CSMD1: variants seen among roughly 807,000 people sequenced by gnomAD.
CSMD1 encodes the protein CUB and Sushi multiple domains 1.
In CSMD1, 213 loss-of-function variants were observed where a neutral mutation model predicts 417.5. The ratio of observed to expected loss-of-function variants is 0.51; its 90% CI spans 0.46 to 0.57. The LOEUF (loss-of-function observed/expected upper bound fraction) is 0.57. Among genes scored for constraint, CSMD1 ranks in the 20% least tolerant of loss-of-function variants. CSMD1 has a pLI of 0.00. For synonymous variants in CSMD1, 2,862 were observed against 1,736.8 expected (o/e 1.65, Z -16.11); for missense variants, 6,923 against 4,529.7 (o/e 1.53, Z -15.17).
chr8:4,733,805 A>C (rs1810051723), intron 1 of CSMD1, among the ~76,000 whole-genome samples: 1 of 152,202 alleles, frequency 6.6e-6, no homozygotes, highest in Non-Finnish European at 1.5e-5. Flanking sequence ...ACTACTACTA[A>C]ATTATGGAAA....
chr8:4,000,276 C>A (rs533924102), intron 4 of CSMD1, among the ~76,000 whole-genome samples: 2 of 152,198 alleles, frequency 1.3e-5, no homozygotes, highest in Non-Finnish European at 1.5e-5. Flanking sequence ...ACACACTTCC[C>A]TGGTCAACTG....
intron 68 of CSMD1, among the ~76,000 whole-genome samples, chr8:2,944,778 T>C (rs759635168): frequency 4.6e-5 from 7 of 152,204 alleles, no homozygotes; most frequent in Non-Finnish European, 8.8e-5. Context: ...GATCTTCAAG[T>C]TTCTGTAATT....
At chr8:3,546,623 A>G (rs576252554) in intron 10 of CSMD1, among the ~76,000 whole-genome samples, 2 of 151,794 alleles carry the variant, frequency 1.3e-5, no homozygotes, top group South Asian at 4.1e-4. Context: ...ATAATACTGC[A>G]AAATGATTAA....
intron 5 of CSMD1, among the ~76,000 whole-genome samples, chr8:3,862,847 T>G (rs1265959292): frequency 1.3e-5 from 2 of 152,144 alleles, no homozygotes; most frequent in African/African-American, 2.4e-5. Context: ...GGTGTCAAAA[T>G]CTCTTGGTCA....
In CSMD1 at chr8:4,163,594, T is replaced by C. The variant is rs561392498; in HGVS notation, c.416-131495A>G. ...TCTAGCTAGATAAAACTTCCTGTTTTAAAGTGAGTGTTTTTTCAAAACTCT... is the reference window on the plus strand; with the variant it reads ...TCTAGCTAGATAAAACTTCCTGTTTCAAAGTGAGTGTTTTTTCAAAACTCT... On this transcript the variant is annotated intron_variant, in intron 3 of 69. Coordinates refer to ENST00000635120, the MANE Select transcript of CSMD1 (RefSeq NM_033225.6). Among the ~76,000 whole-genome samples, 48 of 152,312 alleles carry C rather than the reference T, an allele frequency of 3.2e-4. 1 individual carries two copies. Among genetic ancestry groups the C allele is most frequent in the Middle Eastern group, 3.4e-3 (1 of 294 alleles).
chr8:4,903,420 C>CT (rs1275461662), intron 1 of CSMD1, among the ~76,000 whole-genome samples: 29 of 152,198 alleles, frequency 1.9e-4, no homozygotes, highest in South Asian at 6.2e-4. Flanking sequence ...AGTTGAGTGA[C>CT]TTTTTTTACC....
At position 3,151,385 on chromosome 8, in the gene CSMD1, AT is replaced by A. The variant is rs1819184549; in HGVS notation, c.6031+11del. The A allele has an allele frequency of 7.7e-6, 12 of 1,554,964 alleles. No homozygotes were observed. Among genetic ancestry groups the A allele is most frequent in the Non-Finnish European group, 9.7e-6 (11 of 1,128,688 alleles). ...AAATGAACTTTTAGGAATTGGTAAC[AT>A]TTTCACTTACCATAGCCGATGGGTA... On this transcript the variant is annotated intron_variant, in intron 40 of 69. Coordinates refer to ENST00000635120, the MANE Select transcript of CSMD1 (RefSeq NM_033225.6).
At chr8:3,785,472 G>A (rs1216648683) in intron 5 of CSMD1, among the ~76,000 whole-genome samples, 2 of 152,150 alleles carry the variant, frequency 1.3e-5, no homozygotes, top group African/African-American at 2.4e-5. Context: ...GCCCTCCTAA[G>A]GCTTGTACTC....
chr8:3,565,289 C>T (rs958655713), intron 10 of CSMD1, among the ~76,000 whole-genome samples: 3 of 151,842 alleles, frequency 2.0e-5, no homozygotes, highest in East Asian at 1.9e-4. Context: ...GTTGGCCAGG[C>T]GTCCTCCTTT....
At chr8:3,853,721 G>C (rs548996417) in intron 5 of CSMD1, among the ~76,000 whole-genome samples, 1 of 151,974 alleles carries the variant, frequency 6.6e-6, no homozygotes, top group South Asian at 2.1e-4. Context: ...AACCACCTCG[G>C]GGTGGGGGGA....
intron 51 of CSMD1, among the ~76,000 whole-genome samples, chr8:3,023,436 C>T (rs895987086): frequency 6.6e-6 from 1 of 152,104 alleles, no homozygotes; most frequent in Non-Finnish European, 1.5e-5. Context: ...GAGTAAGAGC[C>T]TTCTACTTGT....
chr8:4,977,450 C>G (rs1315511018), intron 1 of CSMD1, among the ~76,000 whole-genome samples: 7 of 152,152 alleles, frequency 4.6e-5, no homozygotes, highest in Admixed American at 2.6e-4. Flanking sequence ...TGTCCACGGA[C>G]TCATGCACAT....
chr8:4,633,212 G>C (rs1274435980), intron 2 of CSMD1, among the ~76,000 whole-genome samples: 1 of 151,874 alleles, frequency 6.6e-6, no homozygotes, highest in African/African-American at 2.4e-5. Context: ...AAAACAGGCT[G>C]TGGTTAATGG....
At chr8:3,840,023 G>C (rs550837338) in intron 5 of CSMD1, among the ~76,000 whole-genome samples, 1 of 152,120 alleles carries the variant, frequency 6.6e-6, no homozygotes, top group Non-Finnish European at 1.5e-5. Flanking sequence ...GCTCCTAAGA[G>C]TCCTATGTTT....
At chr8:4,074,160 G>C (rs1292826083) in intron 3 of CSMD1, among the ~76,000 whole-genome samples, 1 of 151,954 alleles carries the variant, frequency 6.6e-6, no homozygotes, top group Admixed American at 6.6e-5. Flanking sequence ...TACATATAAT[G>C]CATAACTTGT....
intron 10 of CSMD1, among the ~76,000 whole-genome samples, chr8:3,568,872 C>G (rs1282296304): frequency 6.6e-6 from 1 of 151,954 alleles, no homozygotes; most frequent in Non-Finnish European, 1.5e-5. Flanking sequence ...AAGGTAGGTC[C>G]TTCATGATAC....
intron 5 of CSMD1, among the ~76,000 whole-genome samples, chr8:3,798,584 C>T (rs1446733597): frequency 2.0e-5 from 3 of 151,958 alleles, no homozygotes; most frequent in Non-Finnish European, 4.4e-5. Context: ...AATGAAAAGG[C>T]AATTATAAAT....
At chr8:3,387,704 A>G in intron 17 of CSMD1, 22 bp from the exon 18 acceptor site, 1 of 1,567,166 alleles carries the variant, frequency 6.4e-7, no homozygotes, top group South Asian at 1.2e-5. Flanking sequence ...GAACGAATGC[A>G]GTCGATGAGG....
chr8:3,838,940 T>G (rs868808815), intron 5 of CSMD1, among the ~76,000 whole-genome samples: 1 of 96,388 alleles, frequency 1.0e-5, no homozygotes, highest in Admixed American at 1.2e-4. Context: ...TTATATATAA[T>G]AAAAAATTAA....
Sources: gnomAD v4.1 joint callset for allele counts (sites outside exome capture counted in the v4.1 genomes callset) on GRCh38, gnomAD v4.1.1 for gene constraint, MANE v1.5 for transcripts, NCBI Gene and HGNC (gene_info 2026-07-23, HGNC 2026-07-21) for gene names.